The following CNTN4 variants were observed in gnomAD, a reference collection of about 807,000 sequenced individuals.
The protein encoded by CNTN4 is contactin-4.
A neutral mutation model predicts 122.5 loss-of-function variants in CNTN4; 77 were observed. That is an observed-to-expected ratio of 0.63 (90% CI 0.52 to 0.76). CNTN4 has a LOEUF of 0.76. CNTN4 is among the 30% of genes least tolerant of loss of function. The pLI is 0.00. For synonymous variants in CNTN4, 512 were observed against 447.0 expected (o/e 1.15, Z -1.83); for missense variants, 1,256 against 1,259.1 (o/e 1.00, Z 0.04).
At chr3:2,181,224 A>G (rs927760087) in intron 2 of CNTN4, among the ~76,000 whole-genome samples, 5 of 152,102 alleles carry the variant, frequency 3.3e-5, no homozygotes, top group African/African-American at 4.8e-5. Flanking sequence ...TAAAAGCACA[A>G]TTCCTTAAAG....
intron 2 of CNTN4, among the ~76,000 whole-genome samples, chr3:2,319,824 G>C (rs897849108): frequency 6.6e-6 from 1 of 152,154 alleles, no homozygotes; most frequent in African/African-American, 2.4e-5. Flanking sequence ...AGGGGCAACT[G>C]TATATTCTTT....
intron 2 of CNTN4, among the ~76,000 whole-genome samples, chr3:2,159,731 A>C (rs1416072901): frequency 1.3e-5 from 2 of 152,038 alleles, no homozygotes; most frequent in Non-Finnish European, 2.9e-5. Flanking sequence ...AGCCGTTAAC[A>C]CATCTAGTTT....
At chr3:2,128,407 TC>T (rs2034287741) in intron 2 of CNTN4, among the ~76,000 whole-genome samples, 1 of 152,218 alleles carries the variant, frequency 6.6e-6, no homozygotes. Flanking sequence ...GCAAGAATTA[TC>T]ATTACTGTTT....
Position 2,883,263 on chromosome 3 carries a change from C to T in CNTN4, c.755+16C>T, listed in dbSNP as rs372138752. 8 of 1,579,626 alleles carry T rather than the reference C, an allele frequency of 5.1e-6. No individual in the cohort carries two copies. Among genetic ancestry groups the T allele is most frequent in the South Asian group, 1.1e-5 (1 of 89,682 alleles). On this transcript the variant is annotated intron_variant, in intron 9 of 24. Coordinates refer to ENST00000418658, the MANE Select transcript of CNTN4 (RefSeq NM_175607.3). ...CTTTAGGAAAGTAAGTTCTGGTTTG[C>T]GTTCCTTCTCATCCTCCCTTCAGCT...
intron 2 of CNTN4, among the ~76,000 whole-genome samples, chr3:2,192,248 A>G (rs565723212): frequency 1.7e-4 from 26 of 152,256 alleles, no homozygotes; most frequent in Non-Finnish European, 3.5e-4. Context: ...TATACCCATT[A>G]ATGGGATGGC....
chr3:3,042,465 GC>G (rs762018982), intron 21 of CNTN4, 43 bp downstream of exon 21: 77 of 1,265,538 alleles, frequency 6.1e-5, no homozygotes, highest in Admixed American at 1.5e-4. Flanking sequence ...GAGAGTCTAT[GC>G]CCCTTGATAA....
chr3:3,017,654 A>G (rs1028949437), intron 14 of CNTN4, among the ~76,000 whole-genome samples: 6 of 152,200 alleles, frequency 3.9e-5, no homozygotes, highest in Non-Finnish European at 8.8e-5. Flanking sequence ...ATTGGGTGCA[A>G]TGTCCTTTAT....
intron 6 of CNTN4, among the ~76,000 whole-genome samples, chr3:2,815,903 A>G (rs889518092): frequency 3.6e-5 from 5 of 138,718 alleles, no homozygotes; most frequent in African/African-American, 6.9e-5. Context: ...ATGGAATACT[A>G]TGTAGCCATA....
chr3:2,218,063 G>A (rs901223318), intron 2 of CNTN4, among the ~76,000 whole-genome samples: 3 of 152,150 alleles, frequency 2.0e-5, no homozygotes, highest in South Asian at 2.1e-4. Context: ...AAACAGGCAC[G>A]TGAAGATCAA....
intron 2 of CNTN4, among the ~76,000 whole-genome samples, chr3:2,285,943 T>C (rs750540438): frequency 4.6e-5 from 7 of 152,280 alleles, no homozygotes; most frequent in Non-Finnish European, 1.0e-4. Flanking sequence ...TTCTGTCTCT[T>C]GAAGATGAAT....
intron 2 of CNTN4, among the ~76,000 whole-genome samples, chr3:2,283,689 C>T (rs1352656192): frequency 6.6e-6 from 1 of 152,020 alleles, no homozygotes; most frequent in African/African-American, 2.4e-5. Context: ...TTCATCTAAC[C>T]TTTAACTTCT....
rs373847823 is a variant in CNTN4, at chr3:2,701,460, G to A, written c.56-34755G>A. On this transcript the variant is annotated intron_variant, in intron 4 of 24. Coordinates refer to ENST00000418658, the MANE Select transcript of CNTN4 (RefSeq NM_175607.3). ...AAAATGCAGTGGTTTTCCCCCCAGC[G>A]TGGGGTATCATAGATGAAAGGGCGT... Among the ~76,000 whole-genome samples the A allele has an allele frequency of 1.1e-4, 16 of 152,338 alleles. No homozygotes were observed. The East Asian group carries it at 1.3e-3, about 13-fold the overall frequency.
rs759942665 is a variant in CNTN4 at position 2,745,591 on chromosome 3, G to A, written c.252G>A (p.Leu84=). 14 of 1,614,020 alleles carry A rather than the reference G, an allele frequency of 8.7e-6. No homozygotes were observed. Among genetic ancestry groups the A allele is most frequent in the East Asian group, 2.2e-5 (1 of 44,890 alleles). Residue 84 remains leucine (L), a synonymous_variant, in exon 6 of 25, where the codon TTG becomes TTA. Coordinates refer to ENST00000418658, the MANE Select transcript of CNTN4 (RefSeq NM_175607.3). The part of the protein sequence containing the change: ...DFRYSVVEGS[L]LINNPNKTQD... ...GCTACAGTGTTGTTGAAGGGAGCTT[G>A]TTGATCAATAACCCCAATAAAACCC...
At chr3:3,035,327 C>A (rs985907089) in intron 17 of CNTN4, among the ~76,000 whole-genome samples, 5 of 147,478 alleles carry the variant, frequency 3.4e-5, no homozygotes, top group African/African-American at 1.2e-4. Context: ...AAAAAAAAGT[C>A]TGTTGTGCTG....
intron 4 of CNTN4, among the ~76,000 whole-genome samples, chr3:2,695,237 TTC>T (rs1185681732): frequency 6.6e-6 from 1 of 152,158 alleles, no homozygotes; most frequent in East Asian, 1.9e-4. Flanking sequence ...AATGGAAGCC[TTC>T]TGATTGCAGA....
chr3:2,654,601 A>C (rs913802169), intron 4 of CNTN4, among the ~76,000 whole-genome samples: 1 of 152,204 alleles, frequency 6.6e-6, no homozygotes, highest in Non-Finnish European at 1.5e-5. Flanking sequence ...TAGTCAGGTC[A>C]GTCCACAAGC....
chr3:2,361,190 C>G (rs1037271305), intron 3 of CNTN4, among the ~76,000 whole-genome samples: 16 of 152,078 alleles, frequency 1.1e-4, no homozygotes, highest in African/African-American at 3.6e-4. Flanking sequence ...TATCTCCTTC[C>G]TAGAACATAA....
intron 4 of CNTN4, among the ~76,000 whole-genome samples, chr3:2,606,912 C>T (rs1392956395): frequency 6.6e-6 from 1 of 152,190 alleles, no homozygotes; most frequent in African/African-American, 2.4e-5. Flanking sequence ...AAAATGATAA[C>T]TTCAGAGACT....
chr3:2,287,659 AAGAAG>A (rs2041962225), intron 2 of CNTN4, among the ~76,000 whole-genome samples: 1 of 27,782 alleles, frequency 3.6e-5, no homozygotes, highest in African/African-American at 1.2e-4. Context: ...GAAGAAGAAG[AAGAAG>A]AAGAAGAAGA....
Sources: allele counts gnomAD v4.1 joint callset (sites outside exome capture counted in the v4.1 genomes callset), GRCh38; gene constraint gnomAD v4.1.1; transcripts MANE v1.5; gene names NCBI Gene and HGNC (gene_info 2026-07-23, HGNC 2026-07-21).